ROR2: variants seen among roughly 807,000 people sequenced by gnomAD.
The protein encoded by ROR2 is ROR family WNT receptor 2, also known as tyrosine-protein kinase transmembrane receptor ROR2.
In ROR2, 33 loss-of-function variants were observed where a neutral mutation model predicts 74.9. The observed-to-expected ratio is 0.44, with a 90% CI of 0.33 to 0.59. The LOEUF is 0.59. Among genes scored for constraint, ROR2 ranks in the 20% least tolerant of loss-of-function variants. The pLI, the probability that ROR2 is intolerant of heterozygous loss-of-function variation, is 0.02. For synonymous variants in ROR2, 586 were observed against 558.7 expected (o/e 1.05, Z -0.69); for missense variants, 1,216 against 1,313.8 (o/e 0.93, Z 1.15).
intron 1 of ROR2, among the ~76,000 whole-genome samples, chr9:91,918,941 T>C (rs1831203300): frequency 6.6e-6 from 1 of 152,102 alleles, no homozygotes; most frequent in African/African-American, 2.4e-5. Context: ...CCTGTCCTTG[T>C]CATGCCCACA....
intron 1 of ROR2, among the ~76,000 whole-genome samples, chr9:91,850,115 T>G (rs1255915740): frequency 6.6e-6 from 1 of 152,200 alleles, no homozygotes; most frequent in African/African-American, 2.4e-5. Context: ...GGTTTGTGGG[T>G]GCACCTGTTA....
Position 91,724,919 on chromosome 9 carries a change from A to G in ROR2, c.1575T>C (p.Ala525=), listed in dbSNP as rs1284498691. Reference sequence around the variant, plus strand: ...GGTGTTGCAGCCGTGCTCGCAGCATAGCCTCATGCCGGAACTCCTCCCGCA... The same window carrying G: ...GGTGTTGCAGCCGTGCTCGCAGCATGGCCTCATGCCGGAACTCCTCCCGCA... ...GPLREEFRHE[A]MLRARLQHPN... The change falls in exon 9 of 9, where the codon GCT becomes GCC. Residue 525 remains alanine (A), a synonymous_variant. Transcript: ENST00000375708. 1 of 1,611,772 alleles carries G rather than the reference A, an allele frequency of 6.2e-7. No individual in the cohort carries two copies. The highest frequency in any genetic ancestry group is 8.5e-7 in the Non-Finnish European group (1 of 1,178,446).
At chr9:91,928,205 C>T (rs1346971333) in intron 1 of ROR2, among the ~76,000 whole-genome samples, 1 of 152,124 alleles carries the variant, frequency 6.6e-6, no homozygotes, top group African/African-American at 2.4e-5. Flanking sequence ...CAGCCCCCAC[C>T]CCCAGGCCCC....
At chr9:91,816,181 C>T (rs964197394) in intron 1 of ROR2, among the ~76,000 whole-genome samples, 13 of 152,184 alleles carry the variant, frequency 8.5e-5, no homozygotes, top group South Asian at 2.1e-4. Context: ...CCTGCCCTCA[C>T]GGTAGCCACC....
chr9:91,745,348 C>T lies in ROR2; in HGVS notation c.495-7830G>A, dbSNP rs572517515. Among the ~76,000 whole-genome samples the T allele has an allele frequency of 2.2e-4, 34 of 151,658 alleles. No homozygotes were observed. The East Asian group carries it at 6.0e-3, about 27-fold the overall frequency. On this transcript the variant is annotated intron_variant, in intron 4 of 8. Transcript: ENST00000375708. ...CCATGTTGGTCAGGCTGGTCTCAAA[C>T]TCCCGACCTCAGATGATCCACCCAC...
intron 1 of ROR2, among the ~76,000 whole-genome samples, chr9:91,919,028 TCCAC>T (rs1831205928): frequency 1.7e-5 from 2 of 115,996 alleles, no homozygotes; most frequent in African/African-American, 1.3e-4. Context: ...TCCAGACCAC[TCCAC>T]TCAACACAGC....
chr9:91,945,538 T>C (rs1270705251), intron 1 of ROR2, among the ~76,000 whole-genome samples: 1 of 152,220 alleles, frequency 6.6e-6, no homozygotes, highest in Non-Finnish European at 1.5e-5. Context: ...TACACACCAC[T>C]TCCCACTAGA....
Position 91,723,763 on chromosome 9 carries a change from C to T in ROR2, c.2731G>A (p.Glu911Lys), listed in dbSNP as rs1439454538. Residue 911 changes from glutamate (E) to lysine (K), a missense_variant, in exon 9 of 9, where the codon GAA becomes AAA. By Grantham distance (56) the Glu-to-Lys change is moderately conservative. Coordinates refer to ENST00000375708, the MANE Select transcript of ROR2 (RefSeq NM_004560.4). Reference sequence around the variant, plus strand: ...GAGCCTTCCTCCTCCTCCTCTGCTTCCTGCACGGTGCTCTGGGCCCCATCT... The same window carrying T: ...GAGCCTTCCTCCTCCTCCTCTGCTTTCTGCACGGTGCTCTGGGCCCCATCT... ...PEDGAQSTVQ[E>K]AEEEEEGSVP... 6.2e-7 allele frequency: 1 copy of T among 1,613,856 alleles called. No individual in the cohort carries two copies. The highest frequency in any genetic ancestry group is 8.5e-7 in the Non-Finnish European group (1 of 1,180,038).
chr9:91,874,401 G>T (rs888316616), intron 1 of ROR2, among the ~76,000 whole-genome samples: 10 of 151,464 alleles, frequency 6.6e-5, no homozygotes, highest in African/African-American at 2.4e-4. Flanking sequence ...ATTAAATTAT[G>T]TAATTAAGTA....
intron 4 of ROR2, among the ~76,000 whole-genome samples, chr9:91,741,301 GTAGTAATAA>G (rs147679317): frequency 0.056 from 5,620 of 100,578 alleles, 154 homozygotes; most frequent in Middle Eastern, 0.097. Context: ...TCTGTCTCAA[GTAGTAATAA>G]TAATAATAAT....
intron 1 of ROR2, among the ~76,000 whole-genome samples, chr9:91,944,936 G>A (rs71494489): frequency 6.6e-6 from 1 of 152,228 alleles, no homozygotes; most frequent in East Asian, 1.9e-4. Flanking sequence ...CGTGCCTGTG[G>A]TTCCAGCTAC....
intron 1 of ROR2, among the ~76,000 whole-genome samples, chr9:91,823,472 G>A (rs368962726): frequency 5.3e-5 from 8 of 150,382 alleles, no homozygotes; most frequent in Admixed American, 2.0e-4. Context: ...TGGGATTGCC[G>A]GCGCATGCCA....
chr9:91,789,437 G>A lies in ROR2; in HGVS notation c.98-13619C>T, dbSNP rs149373758. 3.4e-3 allele frequency among the ~76,000 whole-genome samples: 519 copies of A among 152,062 alleles called. 5 individuals are homozygous for A. Among genetic ancestry groups the A allele is most frequent in the Non-Finnish European group, 5.5e-3 (375 of 67,952 alleles). On this transcript the variant is annotated intron_variant, in intron 1 of 8. Coordinates refer to ENST00000375708, the MANE Select transcript of ROR2 (RefSeq NM_004560.4). ...AAAGACAGTATAAACATGTTTTTTTGTAATTCTTTTATTCATTTACTTGTT... is the reference window on the plus strand; with the variant it reads ...AAAGACAGTATAAACATGTTTTTTTATAATTCTTTTATTCATTTACTTGTT...
At chr9:91,887,052 G>A (rs1470923486) in intron 1 of ROR2, 2 of 152,150 alleles carry the variant, frequency 1.3e-5, no homozygotes, top group Non-Finnish European at 1.5e-5. Context: ...CAAAGGCAAG[G>A]CTTGCTAGGA....
chr9:91,841,623 C>A (rs1364537184), intron 1 of ROR2, among the ~76,000 whole-genome samples: 1 of 152,244 alleles, frequency 6.6e-6, no homozygotes, highest in East Asian at 1.9e-4. Flanking sequence ...CATGCAAAAG[C>A]TGGTGCTCAG....
intron 2 of ROR2, among the ~76,000 whole-genome samples, chr9:91,774,447 GTGA>G (rs1229719770): frequency 6.6e-6 from 1 of 152,192 alleles, no homozygotes; most frequent in East Asian, 1.9e-4. Context: ...ATCCCTCAAT[GTGA>G]TGATATTTGC....
At chr9:91,837,978 G>A (rs1167018865) in intron 1 of ROR2, among the ~76,000 whole-genome samples, 6 of 152,072 alleles carry the variant, frequency 3.9e-5, no homozygotes, top group African/African-American at 1.4e-4. Context: ...TGTATTTTAG[G>A]AAAAACAGAA....
intron 1 of ROR2, among the ~76,000 whole-genome samples, chr9:91,825,415 C>T (rs1563984446): frequency 6.6e-6 from 1 of 152,134 alleles, no homozygotes; most frequent in African/African-American, 2.4e-5. Context: ...CTCTAATTCC[C>T]CTGTGGTGAG....
chr9:91,809,738 G>T (rs913002487), intron 1 of ROR2, among the ~76,000 whole-genome samples: 1 of 152,234 alleles, frequency 6.6e-6, no homozygotes, highest in African/African-American at 2.4e-5. Flanking sequence ...CGCCGTGGGC[G>T]TCCTCACCAC....
Sources: gnomAD v4.1 joint callset for allele counts (sites outside exome capture counted in the v4.1 genomes callset) on GRCh38, gnomAD v4.1.1 for gene constraint, MANE v1.5 for transcripts, NCBI Gene and HGNC (gene_info 2026-07-23, HGNC 2026-07-21) for gene names.